LCORL: variants seen among roughly 807,000 people sequenced by gnomAD.
LCORL encodes the protein ligand dependent nuclear receptor corepressor like, also known as ligand-dependent nuclear receptor corepressor-like protein.
LCORL carries 41 observed loss-of-function variants against 141.8 expected under a neutral mutation model. The observed-to-expected ratio is 0.29, with a 90% confidence interval of 0.23 to 0.38. LCORL has a LOEUF of 0.38. Among genes scored for constraint, LCORL ranks in the 10% least tolerant of loss-of-function variants. The probability of loss-of-function intolerance (pLI) is 1.00; values close to 1 mark genes in which losing one functional copy is unlikely to be tolerated. For synonymous variants in LCORL, 618 were observed against 694.1 expected, an observed-to-expected ratio of 0.89 and a Z score of 1.72; for missense variants, 1,759 against 2,035.0, an observed-to-expected ratio of 0.86 and a Z score of 2.61.
At chr4:17,968,908 AAAT>A (rs1236249026) in intron 2 of LCORL, among the ~76,000 whole-genome samples, 1 of 152,234 alleles carries the variant, frequency 6.6e-6, no homozygotes, top group Non-Finnish European at 1.5e-5. Flanking sequence ...TCTCTGATAC[AAAT>A]AATGCCTTTG....
chr4:17,957,316 A>C (rs965817855), intron 4 of LCORL, among the ~76,000 whole-genome samples: 2 of 152,044 alleles, frequency 1.3e-5, no homozygotes, highest in African/African-American at 4.8e-5. Flanking sequence ...TCCTTATGTT[A>C]CATAAAGTAA....
At chr4:17,940,190 A>G (rs1342293689) in intron 4 of LCORL, among the ~76,000 whole-genome samples, 2 of 130,242 alleles carry the variant, frequency 1.5e-5, no homozygotes, top group African/African-American at 8.0e-5. Flanking sequence ...ATATATATAC[A>G]CACACACACA....
At chr4:17,952,438 TG>T (rs1369830583) in intron 4 of LCORL, among the ~76,000 whole-genome samples, 2 of 149,284 alleles carry the variant, frequency 1.3e-5, no homozygotes, top group African/African-American at 5.0e-5. Flanking sequence ...TTTTTTGAGA[TG>T]GGGACTTGTT....
At chr4:17,938,956 C>G (rs1354474978) in intron 4 of LCORL, among the ~76,000 whole-genome samples, 1 of 152,170 alleles carries the variant, frequency 6.6e-6, no homozygotes, top group Non-Finnish European at 1.5e-5. Flanking sequence ...ATCTACCCAA[C>G]TAATTAGGGA....
intron 1 of LCORL, among the ~76,000 whole-genome samples, chr4:18,012,438 T>C (rs1056196066): frequency 6.6e-6 from 1 of 152,196 alleles, no homozygotes; most frequent in Non-Finnish European, 1.5e-5. Flanking sequence ...AATGCAACCT[T>C]ACCATTTTAA....
chr4:17,948,761 T>C (rs1739272593), intron 4 of LCORL, among the ~76,000 whole-genome samples: 1 of 151,794 alleles, frequency 6.6e-6, no homozygotes, highest in South Asian at 2.1e-4. Flanking sequence ...TTATTATACC[T>C]TCCTCCTCAT....
In LCORL at chr4:17,998,985, A is replaced by AAATATATAT. The variant is rs1374815646; in HGVS notation, c.154+22612_154+22613insATATATATT. Among the ~76,000 whole-genome samples the AAATATATAT allele has an allele frequency of 8.2e-3, 475 of 57,796 alleles. 4 individuals carry two copies. Among genetic ancestry groups the AAATATATAT allele is most frequent in the South Asian group, 0.024 (31 of 1,312 alleles). 37.9% of individuals were successfully genotyped at this position (57,796 alleles called of 152,430 possible). A position where few individuals can be genotyped will look rare whatever the true frequency, so the allele number is the denominator to read the frequency against. ...GTCTCAAAAAAAAAAAAAAAAAAAA[A>AAATATATAT]ATATATATATATATATATACACACA... On this transcript the variant is annotated intron_variant, in intron 1 of 7. Coordinates refer to ENST00000635767, the Ensembl canonical transcript of LCORL.
chr4:17,847,044 G>A (rs539861022), intron 7 of LCORL, among the ~76,000 whole-genome samples: 1 of 152,324 alleles, frequency 6.6e-6, no homozygotes, highest in Admixed American at 6.5e-5. Context: ...CTGGAGCAGA[G>A]TGCTACTCTT....
chr4:18,011,505 A>T (rs1723787883), intron 1 of LCORL, among the ~76,000 whole-genome samples: 1 of 151,978 alleles, frequency 6.6e-6, no homozygotes, highest in South Asian at 2.1e-4. Context: ...TTCCAGTCCT[A>T]CTTTCTGCTG....
At position 18,021,453 on chromosome 4, in the gene LCORL, C is replaced by T; in HGVS notation, c.154+145G>A. The T allele has an allele frequency of 1.5e-6, 1 of 649,872 alleles. No individual in the cohort carries two copies. The allele number at this position is 649,872 out of a possible 1,614,324, so 40.3% of individuals were successfully genotyped here. A position where few individuals can be genotyped will look rare whatever the true frequency, so the allele number is the denominator to read the frequency against. The stretch of plus-strand genomic sequence containing the variant: ...GCAAGACAAAAGGCGAGCGCCGGGG[C>T]CGCCGCGCCGCGCCGCTCCCATCTC... On this transcript the variant is annotated intron_variant, in intron 1 of 7. Transcript: ENST00000635767. This position sits in a 1 kb window ranked among gnomAD's most constrained non-coding sequence, Gnocchi z 5.5.
rs1725677731 is a variant in LCORL, at chr4:18,021,838, C to T, written c.-87G>A. The T allele has an allele frequency of 6.5e-6, 9 of 1,382,844 alleles. No individual in the cohort carries two copies. The East Asian group carries it at 2.4e-4, about 36-fold the overall frequency. 85.7% of individuals were successfully genotyped at this position (1,382,844 alleles called of 1,614,324 possible). ...CGAGCCCTCGGCGCGAGCCCCGGAG[C>T]GCGCGCCCCCCGGAGGGGGGTTGAT... On this transcript the variant is annotated 5_prime_UTR_variant, in exon 1 of 8. Transcript: ENST00000635767. The surrounding 1 kb of genome is among the most constrained non-coding windows in gnomAD (Gnocchi z 5.5).
chr4:18,008,335 C>T (rs1457332091), intron 1 of LCORL, among the ~76,000 whole-genome samples: 6 of 152,142 alleles, frequency 3.9e-5, no homozygotes, highest in Non-Finnish European at 7.3e-5. Context: ...ACAGAAGTCC[C>T]GGTTCTCTCT....
intron 1 of LCORL, among the ~76,000 whole-genome samples, chr4:17,983,173 T>C (rs2109734192): frequency 6.6e-6 from 1 of 152,328 alleles, no homozygotes. Flanking sequence ...TGTAGTCCTG[T>C]GGTATAGTTT....
chr4:17,898,014 T>A (rs570727158), intron 5 of LCORL, among the ~76,000 whole-genome samples: 23 of 152,310 alleles, frequency 1.5e-4, no homozygotes, highest in African/African-American at 4.8e-4. Context: ...GCGTTTCCAA[T>A]CCACATGTAA....
exon 8 of LCORL, chr4:17,842,419 C>T: frequency 1.3e-6 from 2 of 1,512,378 alleles, no homozygotes; most frequent in East Asian, 4.5e-5. Context: ...GGCCTATCTT[C>T]ACTTTTTATT....
At chr4:18,016,235 T>A (rs1341840291) in intron 1 of LCORL, among the ~76,000 whole-genome samples, 1 of 152,134 alleles carries the variant, frequency 6.6e-6, no homozygotes, top group Non-Finnish European at 1.5e-5. Context: ...CAACATATAT[T>A]AACACAAAAT....
At chr4:17,947,501 T>G (rs553956713) in intron 4 of LCORL, among the ~76,000 whole-genome samples, 6 of 151,940 alleles carry the variant, frequency 3.9e-5, no homozygotes, top group African/African-American at 9.6e-5. Flanking sequence ...ATGTGATGAA[T>G]AGAGTTAAAA....
At position 17,928,273 on chromosome 4, in the gene LCORL, G is replaced by C. The variant is rs114879831; in HGVS notation, c.431-18928C>G. On this transcript the variant is annotated intron_variant, in intron 4 of 7. Coordinates refer to ENST00000635767, the Ensembl canonical transcript of LCORL. Reference sequence around the variant, plus strand: ...AATACAAAAATTTAGCCAGGCATTAGTGATGGCTGGTGCCTGTGGTCCTAG... The same window carrying C: ...AATACAAAAATTTAGCCAGGCATTACTGATGGCTGGTGCCTGTGGTCCTAG... Among the ~76,000 whole-genome samples, 742 of 152,220 alleles carry C rather than the reference G, an allele frequency of 4.9e-3. 4 individuals are homozygous for C. Among genetic ancestry groups the C allele is most frequent in the African/African-American group, 0.017 (705 of 41,532 alleles).
At chr4:17,982,866 T>G (rs1019118219) in intron 1 of LCORL, among the ~76,000 whole-genome samples, 2 of 152,208 alleles carry the variant, frequency 1.3e-5, no homozygotes, top group African/African-American at 4.8e-5. Context: ...TGGTACTGCC[T>G]AGGTTGTCTT....
Sources: allele counts gnomAD v4.1 joint callset (sites outside exome capture counted in the v4.1 genomes callset), GRCh38; gene constraint gnomAD v4.1.1; non-coding constraint Gnocchi (gnomAD v3.1); transcripts MANE v1.5; gene names NCBI Gene and HGNC (gene_info 2026-07-23, HGNC 2026-07-21).